Variants in FHL2 observed in about 807,000 individuals in gnomAD.
The protein encoded by FHL2 is four and a half LIM domains protein 2.
A neutral mutation model predicts 32.7 loss-of-function variants in FHL2; 20 were observed. The observed-to-expected ratio is 0.61, with a 90% confidence interval of 0.43 to 0.89. FHL2 has a LOEUF of 0.89. Ranked by LOEUF, FHL2 falls within the 40% of genes least tolerant of loss-of-function variation. FHL2 has a pLI of 0.00. For missense variants in FHL2, 311 were observed against 358.6 expected (o/e 0.87, Z 1.07); for synonymous variants, 123 against 128.1 (o/e 0.96, Z 0.27).
At chr2:105,402,828 G>A (rs1463321275), upstream of FHL2, among the ~76,000 whole-genome samples, 1 of 152,188 alleles carries the variant, frequency 6.6e-6, no homozygotes. Context: ...TAATTATAGA[G>A]CATGGCACAT....
chr2:105,434,538 G>A lies in FHL2; in HGVS notation c.-25+3861C>T, dbSNP rs191626751. 1.6e-3 allele frequency among the ~76,000 whole-genome samples: 245 copies of A among 151,942 alleles called. 1 individual carries two copies. Among genetic ancestry groups the A allele is most frequent in the African/African-American group, 5.5e-3 (230 of 41,460 alleles). On this transcript the variant is annotated intron_variant, in intron 1 of 5. Coordinates refer to the FHL2 transcript ENST00000393352. ...AGCTGAGATCTTGCCACTGCACTCC[G>A]GCTTGGGCAACAGAGTGAGACTCCA...
chr2:105,433,954 C>T lies in FHL2; in HGVS notation c.-25+4445G>A, dbSNP rs577729767. Among the ~76,000 whole-genome samples, 5 of 152,208 alleles carry T rather than the reference C, an allele frequency of 3.3e-5. No individual in the cohort carries two copies. In the East Asian group the frequency reaches 9.7e-4, roughly 29 times the overall value. ...CAAAGAGAAGTGAGGTAGCCCTTGTCCTTAAGTCATTACCCACCCCTCAAC... is the reference window on the plus strand; with the variant it reads ...CAAAGAGAAGTGAGGTAGCCCTTGTTCTTAAGTCATTACCCACCCCTCAAC... On this transcript the variant is annotated intron_variant, in intron 1 of 5. Coordinates refer to the FHL2 transcript ENST00000393352.
intron 3 of FHL2, among the ~76,000 whole-genome samples, chr2:105,380,655 A>ATC (rs1681823918): frequency 6.6e-6 from 1 of 152,226 alleles, no homozygotes; most frequent in African/African-American, 2.4e-5. Context: ...TGAGTGTAAC[A>ATC]GAGATAGCAC....
intron 3 of FHL2, among the ~76,000 whole-genome samples, chr2:105,383,839 C>T (rs758678070): frequency 5.3e-5 from 8 of 152,200 alleles, no homozygotes; most frequent in Non-Finnish European, 1.2e-4. Context: ...CCCCAAATGC[C>T]AAGGTCTCGC....
At chr2:105,368,575 G>A (rs1680800915) in intron 4 of FHL2, among the ~76,000 whole-genome samples, 1 of 152,130 alleles carries the variant, frequency 6.6e-6, no homozygotes, top group Non-Finnish European at 1.5e-5. Context: ...ATAACTATTA[G>A]CATTTGATAC....
chr2:105,428,044 T>C (rs115575946), intron 1 of FHL2, among the ~76,000 whole-genome samples: 110 of 152,352 alleles, frequency 7.2e-4, no homozygotes, highest in African/African-American at 2.6e-3. Flanking sequence ...GATGCTCACA[T>C]TAAGCAAAGG....
intron 1 of FHL2, among the ~76,000 whole-genome samples, chr2:105,434,229 G>A (rs1227550248): frequency 2.0e-5 from 3 of 152,230 alleles, no homozygotes; most frequent in Non-Finnish European, 4.4e-5. Flanking sequence ...CAACAGGGTT[G>A]CTCTTTTGCA....
At chr2:105,398,766 C>G in intron 1 of FHL2, 76 bp downstream of exon 1, 1 of 1,242,176 alleles carries the variant, frequency 8.1e-7, no homozygotes, top group Non-Finnish European at 1.1e-6. Context: ...ACTCCTTTCT[C>G]CCGGCTTCTC....
intron 1 of FHL2, among the ~76,000 whole-genome samples, chr2:105,428,431 G>A (rs905401538): frequency 6.6e-6 from 1 of 152,184 alleles, no homozygotes; most frequent in African/African-American, 2.4e-5. Context: ...CTGTTGACTT[G>A]CTCCCTCCCT....
At position 105,398,844 on chromosome 2, in the gene FHL2, G is replaced by A; in HGVS notation, c.-78C>T. ...CCACAGCTCTGCTCTCCTCTCACCA[G>A]TCTCCCCAACTCCGGCTCTGCTCCC... On this transcript the variant is annotated splice_region_variant and 5_prime_UTR_variant, in exon 1 of 7. Transcript: ENST00000530340. 2 of 1,442,990 alleles carry A rather than the reference G, an allele frequency of 1.4e-6. No homozygotes were observed. The highest frequency in any genetic ancestry group is 2.7e-5 in the East Asian group (1 of 36,386). The allele number at this position is 1,442,990 out of a possible 1,614,324, so 89.4% of individuals were successfully genotyped here.
At chr2:105,395,454 C>G (rs1197441998) in intron 2 of FHL2, among the ~76,000 whole-genome samples, 2 of 152,210 alleles carry the variant, frequency 1.3e-5, no homozygotes, top group African/African-American at 4.8e-5. Flanking sequence ...TCCCAGCTAT[C>G]TGAGGTGCCT....
At chr2:105,403,083 T>C (rs567440334), upstream of FHL2, among the ~76,000 whole-genome samples, 1 of 152,368 alleles carries the variant, frequency 6.6e-6, no homozygotes, top group South Asian at 2.1e-4. Context: ...TGTGAAATTG[T>C]GGCGAAGGTC....
chr2:105,396,871 T>C (rs1168355100), intron 1 of FHL2, 174 bp from the exon 2 acceptor site: 5 of 619,176 alleles, frequency 8.1e-6, no homozygotes, highest in Non-Finnish European at 1.4e-5. Context: ...CAAGGAACTT[T>C]GTACCTCAGG....
At chr2:105,419,720 G>T (rs1158611961) in intron 1 of FHL2, among the ~76,000 whole-genome samples, 2 of 152,096 alleles carry the variant, frequency 1.3e-5, no homozygotes, top group African/African-American at 2.4e-5. Flanking sequence ...AAACTCCTGG[G>T]TCTAACAGCC....
At chr2:105,423,973 C>T (rs1024247244) in intron 1 of FHL2, among the ~76,000 whole-genome samples, 2 of 152,160 alleles carry the variant, frequency 1.3e-5, no homozygotes, top group African/African-American at 4.8e-5. Flanking sequence ...TGGGCAAAGA[C>T]TTCATGACTA....
rs138189036 is a variant in FHL2, at chr2:105,373,683, C to T, written c.207G>A (p.Ser69=). The change falls in exon 4 of 7, where the codon TCG becomes TCA. Residue 69 remains serine (S), a synonymous_variant. Coordinates refer to ENST00000530340, the MANE Select transcript of FHL2 (RefSeq NM_001318895.3). The stretch of plus-strand genomic sequence containing the variant: ...TGTCCACCAGTGAGTTTCTGCACTG[C>T]GAGCAGTGGAAACAGGCTTCATGCC... The part of the protein sequence containing the change: ...RHWHEACFHC[S]QCRNSLVDKP... 116 of 1,614,088 alleles carry T rather than the reference C, an allele frequency of 7.2e-5. No homozygotes were observed. In the African/African-American group the frequency reaches 1.0e-3, roughly 14 times the overall value.
intron 3 of FHL2, among the ~76,000 whole-genome samples, chr2:105,380,827 G>A (rs2104564206): frequency 6.6e-6 from 1 of 152,108 alleles, no homozygotes; most frequent in African/African-American, 2.4e-5. Flanking sequence ...AAAATACCAA[G>A]GCTAATCTTG....
At chr2:105,372,893 A>T (rs531459255) in intron 4 of FHL2, among the ~76,000 whole-genome samples, 2 of 152,322 alleles carry the variant, frequency 1.3e-5, no homozygotes, top group East Asian at 3.9e-4. Context: ...ATTTTTGTCC[A>T]CTTTGCTTTT....
intron 2 of FHL2, 76 bp from the exon 3 acceptor site, chr2:105,386,616 C>A: frequency 7.7e-7 from 1 of 1,293,726 alleles, no homozygotes; most frequent in Non-Finnish European, 1.1e-6. Context: ...ATTAACTGTC[C>A]CACTGTCTGT....
Sources: allele counts gnomAD v4.1 joint callset (sites outside exome capture counted in the v4.1 genomes callset), GRCh38; gene constraint gnomAD v4.1.1; transcripts MANE v1.5; gene names NCBI Gene and HGNC (gene_info 2026-07-23, HGNC 2026-07-21).